QSOX2: variants seen among roughly 807,000 people sequenced by gnomAD.
QSOX2 encodes the protein sulfhydryl oxidase 2.
Under a neutral mutation model 61.7 loss-of-function variants are expected in QSOX2, and 46 were observed. That is an observed-to-expected ratio of 0.75 (90% CI 0.59 to 0.95). The LOEUF is 0.95. Ranked by LOEUF, QSOX2 falls within the 40% of genes least tolerant of loss-of-function variation. The pLI, the probability that QSOX2 is intolerant of heterozygous loss-of-function variation, is 0.00. For missense variants in QSOX2, 879 were observed against 918.9 expected, an observed-to-expected ratio of 0.96 and a Z score of 0.56; for synonymous variants, 383 against 388.4, an observed-to-expected ratio of 0.99 and a Z score of 0.16.
In QSOX2 at chr9:136,209,828, C is replaced by T. The variant is rs116245367; in HGVS notation, c.1550-553G>A. On this transcript the variant is annotated intron_variant, in intron 11 of 11. Coordinates refer to ENST00000358701, the MANE Select transcript of QSOX2 (RefSeq NM_181701.4). This position sits in a 1 kb window ranked among gnomAD's most constrained non-coding sequence, Gnocchi z 5.6. ...GCACTTCAGGTACACTGGCCCTTTC[C>T]GGACTACAAATCCCTTCAAGATCTC... 2.5e-4 allele frequency: 251 copies of T among 985,352 alleles called. 3 individuals carry two copies. The African/African-American group carries it at 3.8e-3, about 15-fold the overall frequency. 61.0% of individuals were successfully genotyped at this position (985,352 alleles called of 1,614,324 possible). A position where few individuals can be genotyped will look rare whatever the true frequency, so the allele number is the denominator to read the frequency against.
intron 1 of QSOX2, among the ~76,000 whole-genome samples, chr9:136,231,666 T>G (rs1222623189): frequency 6.6e-6 from 1 of 152,222 alleles, no homozygotes; most frequent in Non-Finnish European, 1.5e-5. Context: ...CCCACACTGA[T>G]CGCTCCTTAC....
Position 136,217,875 on chromosome 9 carries a change from T to C in QSOX2, c.1086+804A>G, listed in dbSNP as rs1020864081. On this transcript the variant is annotated intron_variant, in intron 8 of 11. Coordinates refer to ENST00000358701, the MANE Select transcript of QSOX2 (RefSeq NM_181701.4). ...TGGCACCGTGGGGGAAAAAGCTGCCTGGGCAATGTTCATGCATTCATCTGA... is the reference window on the plus strand; with the variant it reads ...TGGCACCGTGGGGGAAAAAGCTGCCCGGGCAATGTTCATGCATTCATCTGA... Among the ~76,000 whole-genome samples, 5 of 152,264 alleles carry C rather than the reference T, an allele frequency of 3.3e-5. No individual in the cohort carries two copies. In the East Asian group the frequency reaches 9.6e-4, roughly 29 times the overall value.
chr9:136,230,812 C>T (rs536502045), intron 1 of QSOX2, among the ~76,000 whole-genome samples: 7 of 152,322 alleles, frequency 4.6e-5, no homozygotes, highest in Non-Finnish European at 8.8e-5. Context: ...AGCACTGCTC[C>T]GCTCACTTGT....
At chr9:136,234,606 G>A (rs2131066158) in intron 1 of QSOX2, among the ~76,000 whole-genome samples, 1 of 152,328 alleles carries the variant, frequency 6.6e-6, no homozygotes, top group African/African-American at 2.4e-5. Flanking sequence ...TAGCACGCTG[G>A]CACCCAGGAA....
rs372527548 is a variant in QSOX2 at position 136,226,535 on chromosome 9, T to A, written c.429+239A>T. ...CGCATCCCCTCCATGTGACCGGGTC[T>A]GTGTGAGCGTGGACAGTCCCACAGA... is the stretch of plus-strand genomic sequence containing the variant. On this transcript the variant is annotated intron_variant, in intron 2 of 11. Transcript: ENST00000358701. 6.6e-5 allele frequency among the ~76,000 whole-genome samples: 10 copies of A among 152,178 alleles called. No individual in the cohort carries two copies. The East Asian group carries it at 1.6e-3, about 24-fold the overall frequency.
At chr9:136,218,937 G>A (rs1348223394) in intron 7 of QSOX2, 93 bp downstream of exon 7, 1 of 1,574,060 alleles carries the variant, frequency 6.4e-7, no homozygotes, top group South Asian at 1.2e-5. Context: ...TCACTGGCTG[G>A]GGTGGGTTTC....
chr9:136,218,586 T>C, intron 8 of QSOX2, 93 bp downstream of exon 8: 1 of 1,429,078 alleles, frequency 7.0e-7, no homozygotes, highest in African/African-American at 1.4e-5. Context: ...TCAGCGGAGC[T>C]GGCGGAGCCC....
At position 136,219,017 on chromosome 9, in the gene QSOX2, G is replaced by C. The variant is rs1419405418; in HGVS notation, c.956+13C>G. ...ACTGTCTCCGGGGGCTTCAGTTCAA[G>C]AGGAACACTTGCTTGTCAAATTCTC... is the stretch of plus-strand genomic sequence containing the variant. On this transcript the variant is annotated intron_variant, in intron 7 of 11. Transcript: ENST00000358701. 3.7e-6 allele frequency: 6 copies of C among 1,613,748 alleles called. No homozygotes were observed. The highest frequency in any genetic ancestry group is 5.1e-6 in the Non-Finnish European group (6 of 1,179,888).
chr9:136,225,206 G>A (rs1432522894), intron 2 of QSOX2, among the ~76,000 whole-genome samples: 12 of 152,202 alleles, frequency 7.9e-5, no homozygotes, highest in Admixed American at 7.2e-4. Context: ...AAAAGACACC[G>A]CTCTCTGGGA....
intron 1 of QSOX2, among the ~76,000 whole-genome samples, chr9:136,227,406 C>T (rs535523383): frequency 9.2e-5 from 14 of 152,160 alleles, no homozygotes; most frequent in Non-Finnish European, 1.8e-4. Context: ...TGCCCGCAAA[C>T]CCTGGAACAC....
chr9:136,241,691 G>A (rs565362816), intron 1 of QSOX2, among the ~76,000 whole-genome samples: 3 of 152,312 alleles, frequency 2.0e-5, no homozygotes, highest in Admixed American at 1.3e-4. Flanking sequence ...CAACATGAGC[G>A]CCCCCGCACT....
chr9:136,221,972 C>T lies in QSOX2; in HGVS notation c.676-31G>A. 6.6e-7 allele frequency: 1 copy of T among 1,518,416 alleles called. No homozygotes were observed. The highest frequency in any genetic ancestry group is 1.3e-5 in the South Asian group (1 of 77,056). The allele number at this position is 1,518,416 out of a possible 1,614,324, so 94.1% of individuals were successfully genotyped here. Reference sequence around the variant, plus strand: ...GGATGAGAACACAATGACACTTCCACAGGGGCTGGCAGTTTCTCAGAAAAC... The same window carrying T: ...GGATGAGAACACAATGACACTTCCATAGGGGCTGGCAGTTTCTCAGAAAAC... On this transcript the variant is annotated intron_variant, in intron 5 of 11. Transcript: ENST00000358701. The surrounding 1 kb of genome is among the most constrained non-coding windows in gnomAD (Gnocchi z 4.5).
chr9:136,235,735 A>C (rs1830375275), intron 1 of QSOX2, among the ~76,000 whole-genome samples: 1 of 152,204 alleles, frequency 6.6e-6, no homozygotes, highest in African/African-American at 2.4e-5. Context: ...GGTCACACCC[A>C]GGCGACCCGT....
In QSOX2 at chr9:136,208,728, TCA is replaced by T. The variant is rs762419132; in HGVS notation, c.2095_2096del (p.Ter699SerfsTer57). 1 of 1,600,680 alleles carries T rather than the reference TCA, an allele frequency of 6.2e-7. No homozygotes were observed. The highest frequency in any genetic ancestry group is 1.1e-5 in the South Asian group (1 of 90,390). The part of the protein sequence containing the change: ...WKVKHHHPAV[*>X] ...GCCGTGGCTGGCAGCACCCGGGCACTCACACGGCCGGGTGGTGGTGCTTGACC... is the reference window on the plus strand; with the variant it reads ...GCCGTGGCTGGCAGCACCCGGGCACTCACGGCCGGGTGGTGGTGCTTGACC... On this transcript the variant is annotated frameshift_variant and stop_lost, in exon 12 of 12. Coordinates refer to ENST00000358701, the MANE Select transcript of QSOX2 (RefSeq NM_181701.4). LOFTEE classifies it high-confidence loss of function.
At chr9:136,213,703 G>A (rs959042473) in intron 10 of QSOX2, among the ~76,000 whole-genome samples, 17 of 152,060 alleles carry the variant, frequency 1.1e-4, no homozygotes, top group Admixed American at 1.0e-3. Context: ...CTCTCACCAC[G>A]AATTTAGGCT....
At chr9:136,220,403 CTT>C in intron 6 of QSOX2, among the ~76,000 whole-genome samples, 1 of 152,254 alleles carries the variant, frequency 6.6e-6, no homozygotes, top group Non-Finnish European at 1.5e-5. Context: ...CCCAGTCGAT[CTT>C]TGAGGAGGCT....
intron 2 of QSOX2, among the ~76,000 whole-genome samples, chr9:136,225,697 G>A (rs562233593): frequency 1.6e-3 from 251 of 152,368 alleles, no homozygotes; most frequent in African/African-American, 5.8e-3. Flanking sequence ...GCGCACAGCA[G>A]CGCCGTTCAA....
At position 136,209,946 on chromosome 9, in the gene QSOX2, C is replaced by T. The variant is rs186372491; in HGVS notation, c.1550-671G>A. ...GCGGCGCACGGCGCCTCCTAGCTCT[C>T]GGAGCCCCTGCGACCCGACTTGCTG... On this transcript the variant is annotated intron_variant, in intron 11 of 11. Transcript: ENST00000358701. The surrounding 1 kb of genome is among the most constrained non-coding windows in gnomAD (Gnocchi z 5.6). 15 of 985,412 alleles carry T rather than the reference C, an allele frequency of 1.5e-5. No homozygotes were observed. The Admixed American group carries it at 2.5e-4, about 16-fold the overall frequency. The allele number at this position is 985,412 out of a possible 1,614,324, so 61.0% of individuals were successfully genotyped here.
rs140468566 is a variant in QSOX2, at chr9:136,219,647, G to A, written c.822-483C>T. ...GCCCACCCTGTGTGGACAGGGTGGA[G>A]CTGAGCCCCCTGTGTGCCCACGCTG... On this transcript the variant is annotated intron_variant, in intron 6 of 11. Transcript: ENST00000358701. 1.6e-3 allele frequency among the ~76,000 whole-genome samples: 237 copies of A among 152,222 alleles called. 1 individual carries two copies. The highest frequency in any genetic ancestry group is 2.8e-3 in the Non-Finnish European group (191 of 68,002).
Sources: gnomAD v4.1 joint callset for allele counts (sites outside exome capture counted in the v4.1 genomes callset) on GRCh38, gnomAD v4.1.1 for gene constraint, Gnocchi (gnomAD v3.1) non-coding constraint, MANE v1.5 for transcripts, NCBI Gene and HGNC (gene_info 2026-07-23, HGNC 2026-07-21) for gene names.